Variants in SPIRE1 observed in about 807,000 individuals in gnomAD.
SPIRE1 encodes protein spire homolog 1.
In SPIRE1, 40 loss-of-function variants were observed where a neutral mutation model predicts 94.1. That is an observed-to-expected ratio of 0.43 (90% CI 0.33 to 0.55). The LOEUF (loss-of-function observed/expected upper bound fraction) is 0.55, where lower values mean the gene tolerates loss of function less well. Among genes scored for constraint, SPIRE1 ranks in the 20% least tolerant of loss-of-function variants. SPIRE1 has a pLI of 0.06. For synonymous variants in SPIRE1, 376 were observed against 371.7 expected (o/e 1.01, Z -0.13); for missense variants, 838 against 975.2 (o/e 0.86, Z 1.87).
Position 12,657,644 on chromosome 18 carries a change from G to C in SPIRE1, c.223C>G (p.Arg75Gly), listed in dbSNP as rs574335743. ...CCGSLRAAARRRQPRHRVRSA... is the reference protein window; with the variant it reads ...CCGSLRAAARGRQPRHRVRSA... ...CGCACACGGTGGCGGGGCTGGCGGC[G>C]GCGGGCGGCGGCGCGCAGGGAACCG... Residue 75 changes from arginine (R) to glycine (G), a missense_variant, in exon 1 of 17, where the codon CGC becomes GGC. Coordinates refer to ENST00000409402, the MANE Select transcript of SPIRE1 (RefSeq NM_001128626.2). 6 of 1,315,816 alleles carry C rather than the reference G, an allele frequency of 4.6e-6. No individual in the cohort carries two copies. Among genetic ancestry groups the C allele is most frequent in the Non-Finnish European group, 5.8e-6 (6 of 1,030,956 alleles). 81.5% of individuals were successfully genotyped at this position (1,315,816 alleles called of 1,614,324 possible).
At chr18:12,532,862 T>C (rs1340836813) in intron 4 of SPIRE1, among the ~76,000 whole-genome samples, 1 of 152,096 alleles carries the variant, frequency 6.6e-6, no homozygotes, top group Non-Finnish European at 1.5e-5. Flanking sequence ...ATGAGAGAAG[T>C]GATGACAGGA....
chr18:12,574,404 G>T (rs1356252073), intron 2 of SPIRE1, among the ~76,000 whole-genome samples: 3 of 152,148 alleles, frequency 2.0e-5, no homozygotes, highest in East Asian at 3.8e-4. Context: ...GGTAGATAGA[G>T]AAAGTCTTTA....
At chr18:12,500,615 A>G (rs1391613408) in intron 6 of SPIRE1, among the ~76,000 whole-genome samples, 1 of 152,172 alleles carries the variant, frequency 6.6e-6, no homozygotes, top group African/African-American at 2.4e-5. Context: ...TCCCAGGTAT[A>G]TACCCCAAAT....
At chr18:12,650,426 G>A (rs551826780) in intron 1 of SPIRE1, among the ~76,000 whole-genome samples, 1 of 150,428 alleles carries the variant, frequency 6.6e-6, no homozygotes, top group African/African-American at 2.4e-5. Flanking sequence ...CCAGGCATGG[G>A]CCAGGTGGTA....
intron 2 of SPIRE1, among the ~76,000 whole-genome samples, chr18:12,567,147 CAA>C (rs1397340890): frequency 6.6e-6 from 1 of 152,080 alleles, no homozygotes; most frequent in Non-Finnish European, 1.5e-5. Flanking sequence ...GGTTAATATA[CAA>C]AAGTCAATCA....
chr18:12,595,928 A>G (rs781433883), intron 2 of SPIRE1, among the ~76,000 whole-genome samples: 1 of 152,232 alleles, frequency 6.6e-6, no homozygotes, highest in Non-Finnish European at 1.5e-5. Context: ...CACAAGAAAA[A>G]AAAGAGGGGA....
At chr18:12,503,185 A>G (rs1480983182) in intron 6 of SPIRE1, among the ~76,000 whole-genome samples, 1 of 152,130 alleles carries the variant, frequency 6.6e-6, no homozygotes, top group Non-Finnish European at 1.5e-5. Context: ...CTTCTTTTAA[A>G]CATTCTTAAA....
intron 9 of SPIRE1, among the ~76,000 whole-genome samples, chr18:12,484,034 T>A (rs2032944703): frequency 6.6e-6 from 1 of 152,018 alleles, no homozygotes; most frequent in Non-Finnish European, 1.5e-5. Context: ...GTACCAAGAG[T>A]TTTCTTTCCA....
At chr18:12,492,508 G>A (rs1051875828) in intron 8 of SPIRE1, among the ~76,000 whole-genome samples, 11 of 151,922 alleles carry the variant, frequency 7.2e-5, no homozygotes, top group African/African-American at 2.4e-4. Context: ...AGTAATATCC[G>A]GTAATAACAT....
chr18:12,540,565 G>A lies in SPIRE1; in HGVS notation c.604-4964C>T, dbSNP rs550125761. On this transcript the variant is annotated intron_variant, in intron 3 of 16. Coordinates refer to ENST00000409402, the MANE Select transcript of SPIRE1 (RefSeq NM_001128626.2). Reference sequence around the variant, plus strand: ...TATTTTTTGTATTTTTAGTAGAGACGGAGTTTCACCATGTTGACCAGGCTG... The same window carrying A: ...TATTTTTTGTATTTTTAGTAGAGACAGAGTTTCACCATGTTGACCAGGCTG... Among the ~76,000 whole-genome samples, 8 of 152,134 alleles carry A rather than the reference G, an allele frequency of 5.3e-5. No individual in the cohort carries two copies. The South Asian group carries it at 1.0e-3, about 20-fold the overall frequency.
intron 4 of SPIRE1, among the ~76,000 whole-genome samples, chr18:12,521,212 T>C (rs2144097007): frequency 6.6e-6 from 1 of 152,338 alleles, no homozygotes; most frequent in Non-Finnish European, 1.5e-5. Flanking sequence ...TTTAGTTTTA[T>C]TTAAGATAAA....
chr18:12,636,110 C>T (rs1766983592), intron 1 of SPIRE1, among the ~76,000 whole-genome samples: 1 of 152,134 alleles, frequency 6.6e-6, no homozygotes, highest in South Asian at 2.1e-4. Context: ...CCAGGCTGGT[C>T]TCGAACTCCT....
intron 1 of SPIRE1, among the ~76,000 whole-genome samples, chr18:12,649,400 C>A (rs1182116089): frequency 1.3e-5 from 2 of 152,008 alleles, no homozygotes; most frequent in Non-Finnish European, 2.9e-5. Context: ...GAGAGAAAGA[C>A]CCTGTCTCTT....
At chr18:12,486,416 A>G (rs898809163) in intron 8 of SPIRE1, among the ~76,000 whole-genome samples, 2 of 152,242 alleles carry the variant, frequency 1.3e-5, no homozygotes, top group African/African-American at 4.8e-5. Context: ...AATTTATGTC[A>G]GGATGAAAAT....
chr18:12,550,003 C>A (rs1223568780), intron 2 of SPIRE1, among the ~76,000 whole-genome samples: 1 of 152,216 alleles, frequency 6.6e-6, no homozygotes, highest in Non-Finnish European at 1.5e-5. Flanking sequence ...ATCCAACACT[C>A]TTTTCTGCCT....
chr18:12,456,982 T>A (rs1319117057), intron 12 of SPIRE1, among the ~76,000 whole-genome samples: 2 of 152,074 alleles, frequency 1.3e-5, no homozygotes, highest in African/African-American at 4.8e-5. Flanking sequence ...GGATTACAGG[T>A]GTGCACCACC....
intron 5 of SPIRE1, among the ~76,000 whole-genome samples, chr18:12,510,330 G>A (rs957853735): frequency 1.3e-5 from 2 of 152,028 alleles, no homozygotes; most frequent in Non-Finnish European, 2.9e-5. Flanking sequence ...CAAAATATAT[G>A]TCAAAATTTA....
At chr18:12,611,512 A>G (rs2037140552) in intron 2 of SPIRE1, among the ~76,000 whole-genome samples, 1 of 152,240 alleles carries the variant, frequency 6.6e-6, no homozygotes, top group Non-Finnish European at 1.5e-5. Flanking sequence ...AGCTCAGGTC[A>G]AGCCTTCAGA....
chr18:12,585,056 G>A (rs946629276), intron 2 of SPIRE1, among the ~76,000 whole-genome samples: 2 of 152,000 alleles, frequency 1.3e-5, no homozygotes, highest in East Asian at 1.9e-4. Context: ...CGCCCACCTC[G>A]GCTTCCCAAA....
Sources: allele counts gnomAD v4.1 joint callset (sites outside exome capture counted in the v4.1 genomes callset), GRCh38; gene constraint gnomAD v4.1.1; transcripts MANE v1.5; gene names NCBI Gene and HGNC (gene_info 2026-07-23, HGNC 2026-07-21).